Variants in TBC1D28 observed in about 807,000 individuals in gnomAD.
TBC1D28 encodes the protein TBC1 domain family member 28.
Under a neutral mutation model 29.2 loss-of-function variants are expected in TBC1D28, and 20 were observed. That is an observed-to-expected ratio of 0.68 (90% CI 0.48 to 0.99). TBC1D28 has a LOEUF of 0.99. Among genes scored for constraint, TBC1D28 ranks in the 50% least tolerant of loss-of-function variants. TBC1D28 has a pLI of 0.00. For synonymous variants in TBC1D28, 65 were observed against 90.9 expected, an observed-to-expected ratio of 0.71 and a Z score of 1.62; for missense variants, 205 against 243.7, an observed-to-expected ratio of 0.84 and a Z score of 1.06.
chr17:18,641,134 G>C (rs374528400), intron 3 of TBC1D28, 30 bp from the exon 5 acceptor site: 3 of 763,842 alleles, frequency 3.9e-6, no homozygotes, highest in Non-Finnish European at 6.2e-6. Flanking sequence ...AGGATAGTGG[G>C]GGTAAGGTGA....
At chr17:18,642,627 G>A (rs991750477), upstream of TBC1D28, 3 of 152,290 alleles carry the variant, frequency 2.0e-5, no homozygotes, top group African/African-American at 7.2e-5. Context: ...CATCGCCACA[G>A]AGTCTCTGTG....
In TBC1D28 at chr17:18,641,336, T is replaced by C. The variant is rs768582864; in HGVS notation, c.17A>G (p.Asp6Gly). 12 of 1,613,648 alleles carry C rather than the reference T, an allele frequency of 7.4e-6. No individual in the cohort carries two copies. The Admixed American group carries it at 2.0e-4, about 27-fold the overall frequency. Residue 6 changes from aspartate to glycine, a missense_variant, in exon 3 of 9, where the codon GAC becomes GGC. By Grantham distance (94) the Asp-to-Gly change is moderately conservative (BLOSUM62 -1). Coordinates refer to ENST00000345096, the Ensembl canonical transcript of TBC1D28. ...CCCCTGGGCAGGCAGGTTATCCGGG[T>C]CCTCATCCATCTCCATCCTGCAAGA...
At chr17:18,642,968 G>A (rs2031836164), upstream of TBC1D28, 1 of 152,334 alleles carries the variant, frequency 6.6e-6, no homozygotes, top group Non-Finnish European at 1.5e-5. Context: ...CCCCTAAGGT[G>A]TCAAAATGTG....
At chr17:18,643,054 T>C (rs2031840488), upstream of TBC1D28, 1 of 152,300 alleles carries the variant, frequency 6.6e-6, no homozygotes, top group South Asian at 2.1e-4. Flanking sequence ...CAGGGCTGGC[T>C]GTCCCACTTA....
rs766631113 is a variant in TBC1D28, at chr17:18,636,519, C to T, written c.576G>A (p.Trp192Ter). The T allele has an allele frequency of 6.2e-7, 1 of 1,613,328 alleles. No homozygotes were observed. The highest frequency in any genetic ancestry group is 1.3e-5 in the African/African-American group (1 of 74,630). Residue 192 changes from tryptophan to a stop codon, truncating the protein, a stop_gained, in exon 9 of 9, where the codon TGG becomes TGA. Coordinates refer to ENST00000345096, the Ensembl canonical transcript of TBC1D28. LOFTEE classifies it high-confidence loss of function. ...ATGCCTGTGAATATGGGCACAGGTA[C>T]CAGGAATATCGCTGCCCGGGAATAC... is the stretch of plus-strand genomic sequence containing the variant.
chr17:18,641,029 T>A (rs2031737447), exon 4 of TBC1D28: 1 of 566,908 alleles, frequency 1.8e-6, no homozygotes, highest in East Asian at 3.0e-5. Context: ...TACTGCACAA[T>A]CCCGAGGTTA....
exon 9 of TBC1D28, chr17:18,636,430 C>T (rs2031497694): frequency 6.2e-7 from 1 of 1,610,108 alleles, no homozygotes; most frequent in Non-Finnish European, 8.5e-7. Context: ...GAAGTCCTGC[C>T]TACTACGTCC....
upstream of TBC1D28, among the ~76,000 whole-genome samples, chr17:18,643,120 T>C (rs540620713): frequency 6.6e-6 from 1 of 152,150 alleles, no homozygotes; most frequent in Non-Finnish European, 1.5e-5. Flanking sequence ...CCTTGAGGCC[T>C]GTGGCAAGCA....
chr17:18,634,392 T>G (rs1172101978), downstream of TBC1D28, among the ~76,000 whole-genome samples: 3 of 151,926 alleles, frequency 2.0e-5, no homozygotes, highest in South Asian at 2.1e-4. Context: ...TTCCCACCTC[T>G]GCACAAAACA....
At chr17:18,638,382 C>T (rs1177280635) in exon 7 of TBC1D28, 7 of 1,614,112 alleles carry the variant, frequency 4.3e-6, no homozygotes, top group African/African-American at 1.3e-5. Context: ...CCCGGCCCCG[C>T]ACCGCCAGGG....
intron 8 of TBC1D28, among the ~76,000 whole-genome samples, 182 bp downstream of exon 9, chr17:18,637,682 C>T (rs540292766): frequency 1.1e-4 from 17 of 152,260 alleles, no homozygotes; most frequent in Non-Finnish European, 2.1e-4. Flanking sequence ...TGTCCCAGCC[C>T]GGCCCAGGGC....
chr17:18,638,094 C>A, intron 7 of TBC1D28, 121 bp from the exon 9 acceptor site: 1 of 1,533,262 alleles, frequency 6.5e-7, no homozygotes, highest in Non-Finnish European at 9.0e-7. Context: ...AGGTTTCCTT[C>A]TGCAGAAAGC....
upstream of TBC1D28, among the ~76,000 whole-genome samples, chr17:18,643,790 G>A (rs964341315): frequency 3.9e-5 from 6 of 152,208 alleles, no homozygotes; most frequent in African/African-American, 1.4e-4. Context: ...GACCCCATGT[G>A]TCCAGTGGGT....
chr17:18,641,185 C>T, intron 3 of TBC1D28, 81 bp from the exon 5 acceptor site: 1 of 1,287,212 alleles, frequency 7.8e-7, no homozygotes, highest in Non-Finnish European at 1.1e-6. Context: ...CCCCTCCCCA[C>T]CCTGTGATCT....
chr17:18,635,931 G>A, exon 9 of TBC1D28: 2 of 992,746 alleles, frequency 2.0e-6, no homozygotes, highest in Non-Finnish European at 2.4e-6. Context: ...AAGGCCCAGG[G>A]GACTTGAGCA....
chr17:18,642,068 C>G (rs888744009), exon 1 of TBC1D28: 1 of 156,076 alleles, frequency 6.4e-6, no homozygotes, highest in African/African-American at 2.4e-5. Context: ...GGAACCGTCC[C>G]CCCCAGGAAT....
chr17:18,636,619 G>A lies in TBC1D28; in HGVS notation c.498-22C>T, dbSNP rs1567875331. ...CTGCCTAGAAAAGAGGGGAAAGAGG[G>A]TTTTGTTTTTTTTGTGCAGACGCTG... On this transcript the variant is annotated intron_variant, in intron 8 of 8. Coordinates refer to ENST00000345096, the Ensembl canonical transcript of TBC1D28. 3.4e-5 allele frequency: 55 copies of A among 1,599,324 alleles called. 1 individual carries two copies. The highest frequency in any genetic ancestry group is 9.0e-5 in the East Asian group (4 of 44,592).
exon 9 of TBC1D28, chr17:18,635,482 C>T (rs1054160767): frequency 2.1e-5 from 15 of 709,566 alleles, no homozygotes; most frequent in Admixed American, 6.2e-5. Context: ...GGTGCGGTGT[C>T]GATGAAATGG....
chr17:18,643,588 C>T (rs1373426997), upstream of TBC1D28, among the ~76,000 whole-genome samples: 5 of 150,972 alleles, frequency 3.3e-5, no homozygotes, highest in African/African-American at 1.2e-4. Flanking sequence ...GTGGCCAAGC[C>T]TCTGCTGACC....
Sources: allele counts gnomAD v4.1 joint callset (sites outside exome capture counted in the v4.1 genomes callset), GRCh38; gene constraint gnomAD v4.1.1; transcripts MANE v1.5; gene names NCBI Gene and HGNC (gene_info 2026-07-23, HGNC 2026-07-21).